Variants in STPG2 observed in about 807,000 individuals in gnomAD.
STPG2 encodes sperm-tail PG-rich repeat-containing protein 2.
In STPG2, 56 loss-of-function variants were observed where a neutral mutation model predicts 54.2. That is an observed-to-expected ratio of 1.03 (90% CI 0.83 to 1.29). The LOEUF (loss-of-function observed/expected upper bound fraction) is 1.29, where lower values mean the gene tolerates loss of function less well. Ranked by LOEUF, STPG2 falls within the 50% of genes most tolerant of loss-of-function variation. The probability of loss-of-function intolerance (pLI) is 0.00; values close to 1 mark genes in which losing one functional copy is unlikely to be tolerated. For missense variants in STPG2, 596 were observed against 544.9 expected (o/e 1.09, Z -0.93); for synonymous variants, 200 against 181.8 (o/e 1.10, Z -0.81).
At chr4:97,874,429 A>G (rs1228921788) in intron 8 of STPG2, among the ~76,000 whole-genome samples, 1 of 151,866 alleles carries the variant, frequency 6.6e-6, no homozygotes, top group East Asian at 1.9e-4. Context: ...GACATATGTC[A>G]CATGCATGAA....
chr4:97,758,061 G>T lies in STPG2; in HGVS notation c.1205-45247C>A, dbSNP rs572430829. Among the ~76,000 whole-genome samples, 5 of 152,274 alleles carry T rather than the reference G, an allele frequency of 3.3e-5. No individual in the cohort carries two copies. In the East Asian group the frequency reaches 5.8e-4, roughly 18 times the overall value. ...GAAGGTGTTAGTCTAGGCTCTAGGGGTTTCTGAATTACTGGCCTACAGTCT... is the reference window on the plus strand; with the variant it reads ...GAAGGTGTTAGTCTAGGCTCTAGGGTTTTCTGAATTACTGGCCTACAGTCT... On this transcript the variant is annotated intron_variant, in intron 9 of 10. Transcript: ENST00000295268.
At chr4:97,468,872 G>C (rs1192407377) in intron 4 of STPG2, among the ~76,000 whole-genome samples, 1 of 152,024 alleles carries the variant, frequency 6.6e-6, no homozygotes, top group East Asian at 1.9e-4. Flanking sequence ...ATTTAGTCAG[G>C]CTACTTTAAG....
At chr4:97,925,277 C>A in intron 8 of STPG2, among the ~76,000 whole-genome samples, 1 of 152,180 alleles carries the variant, frequency 6.6e-6, no homozygotes, top group Non-Finnish European at 1.5e-5. Context: ...TCAGCAGTTT[C>A]CTTCACTGTT....
chr4:97,995,860 G>A (rs1049224928), intron 5 of STPG2, among the ~76,000 whole-genome samples: 19 of 152,062 alleles, frequency 1.2e-4, no homozygotes, highest in Non-Finnish European at 7.4e-5. Flanking sequence ...AAGGCATGGT[G>A]GGAGGTAACT....
chr4:97,608,575 G>A (rs1412828753), intron 10 of STPG2, among the ~76,000 whole-genome samples: 1 of 151,928 alleles, frequency 6.6e-6, no homozygotes, highest in African/African-American at 2.4e-5. Context: ...ATGTAAACAG[G>A]GTAAAGCAAC....
intron 9 of STPG2, among the ~76,000 whole-genome samples, chr4:97,771,449 A>C (rs1246560049): frequency 6.6e-6 from 1 of 152,066 alleles, no homozygotes; most frequent in Non-Finnish European, 1.5e-5. Flanking sequence ...CTGGATGACA[A>C]AGAAGTTTGT....
intron 8 of STPG2, among the ~76,000 whole-genome samples, chr4:97,933,637 C>G (rs1053388611): frequency 3.9e-5 from 6 of 152,138 alleles, no homozygotes; most frequent in South Asian, 2.1e-4. Context: ...TCCCCCTTGC[C>G]TGTTTTTGTC....
At chr4:98,026,140 G>C (rs565316567) in intron 5 of STPG2, 21 of 1,467,734 alleles carry the variant, frequency 1.4e-5, no homozygotes, top group Non-Finnish European at 2.0e-5. Flanking sequence ...TCTATGAAAA[G>C]AAGCCCAAGA....
At chr4:97,905,501 C>G (rs919966945) in intron 8 of STPG2, among the ~76,000 whole-genome samples, 3 of 152,036 alleles carry the variant, frequency 2.0e-5, no homozygotes, top group Non-Finnish European at 4.4e-5. Flanking sequence ...ACTGCAAAAT[C>G]ATGCCAAAAT....
At chr4:97,721,013 T>C (rs543449272) in intron 9 of STPG2, among the ~76,000 whole-genome samples, 186 of 152,166 alleles carry the variant, frequency 1.2e-3, no homozygotes, top group African/African-American at 4.3e-3. Flanking sequence ...AAATCATCTG[T>C]ATAATATTCA....
At chr4:97,592,444 C>T (rs1019372091) in intron 10 of STPG2, among the ~76,000 whole-genome samples, 1 of 151,978 alleles carries the variant, frequency 6.6e-6, no homozygotes, top group Admixed American at 6.6e-5. Flanking sequence ...ACATATAAAG[C>T]CTACTTTTAT....
At chr4:98,066,285 G>A (rs903264203) in intron 5 of STPG2, among the ~76,000 whole-genome samples, 7 of 152,084 alleles carry the variant, frequency 4.6e-5, no homozygotes, top group Non-Finnish European at 1.5e-5. Context: ...AAAGAGAAAA[G>A]TCACACTTTA....
chr4:98,048,876 T>A (rs925577795), intron 5 of STPG2: 4 of 155,162 alleles, frequency 2.6e-5, no homozygotes, highest in African/African-American at 9.6e-5. Flanking sequence ...ACAGAGGAAA[T>A]TTTGGTGATA....
intron 9 of STPG2, among the ~76,000 whole-genome samples, chr4:97,796,036 T>C (rs1356552338): frequency 6.6e-6 from 1 of 152,230 alleles, no homozygotes; most frequent in Non-Finnish European, 1.5e-5. Context: ...CGTCCACTTT[T>C]AGATGGGGTT....
At chr4:97,784,516 A>C (rs762676439) in intron 9 of STPG2, among the ~76,000 whole-genome samples, 3 of 152,098 alleles carry the variant, frequency 2.0e-5, no homozygotes, top group Non-Finnish European at 4.4e-5. Flanking sequence ...GTGCCAAAAA[A>C]ACTTTCCTTC....
At chr4:97,869,594 A>G (rs1236419503) in intron 8 of STPG2, among the ~76,000 whole-genome samples, 2 of 151,672 alleles carry the variant, frequency 1.3e-5, no homozygotes, top group Non-Finnish European at 3.0e-5. Flanking sequence ...TTTGTTTTTC[A>G]TCTAGAATGA....
Position 98,079,110 on chromosome 4 carries a change from T to TTA in STPG2, c.612+26841_612+26842dup, listed in dbSNP as rs1553939861. 4.6e-5 allele frequency among the ~76,000 whole-genome samples: 7 copies of TTA among 152,260 alleles called. No individual in the cohort carries two copies. In the South Asian group the frequency reaches 1.4e-3, roughly 32 times the overall value. On this transcript the variant is annotated intron_variant, in intron 5 of 10. Coordinates refer to ENST00000295268, the MANE Select transcript of STPG2 (RefSeq NM_174952.3). ...TTTTTGGATGCTCAAAATAGTTATA[T>TTA]TATATATATACATTTAAATAATTTC...
intron 10 of STPG2, among the ~76,000 whole-genome samples, chr4:97,642,484 T>C (rs1252665219): frequency 6.6e-6 from 1 of 151,478 alleles, no homozygotes; most frequent in South Asian, 2.1e-4. Flanking sequence ...ATATTATTTA[T>C]AACAAATCTG....
intron 10 of STPG2, among the ~76,000 whole-genome samples, chr4:97,655,166 T>C (rs1361802372): frequency 6.6e-6 from 1 of 152,082 alleles, no homozygotes; most frequent in East Asian, 1.9e-4. Context: ...GTTAGTCTAA[T>C]ATAGAAAATC....
Sources: allele counts gnomAD v4.1 joint callset (sites outside exome capture counted in the v4.1 genomes callset), GRCh38; gene constraint gnomAD v4.1.1; transcripts MANE v1.5; gene names NCBI Gene and HGNC (gene_info 2026-07-23, HGNC 2026-07-21).